Variants in PRUNE2 observed in about 807,000 individuals in gnomAD.
PRUNE2 encodes the protein prune homolog 2 with BCH domain.
A neutral mutation model predicts 252.0 loss-of-function variants in PRUNE2; 164 were observed. The ratio of observed to expected loss-of-function variants is 0.65; its 90% CI spans 0.57 to 0.74. PRUNE2 has a LOEUF of 0.74. PRUNE2 is among the 30% of genes least tolerant of loss of function. The probability of loss-of-function intolerance (pLI) is 0.00; values close to 1 mark genes in which losing one functional copy is unlikely to be tolerated. For missense variants in PRUNE2, 3,495 were observed against 3,711.0 expected, an observed-to-expected ratio of 0.94 and a Z score of 1.51; for synonymous variants, 1,292 against 1,350.2, an observed-to-expected ratio of 0.96 and a Z score of 0.94.
At chr9:76,627,976 A>C (rs1835686903) in intron 16 of PRUNE2, 1 of 199,918 alleles carries the variant, frequency 5.0e-6, no homozygotes, top group African/African-American at 2.4e-5. Context: ...TAATTAATTA[A>C]TTTTTTAAAG....
In PRUNE2 at chr9:76,644,921, A is replaced by G. The variant is rs1229416897; in HGVS notation, c.8558-12T>C. 6.2e-7 allele frequency: 1 copy of G among 1,612,076 alleles called. No individual in the cohort carries two copies. The highest frequency in any genetic ancestry group is 1.3e-5 in the African/African-American group (1 of 75,024). On this transcript the variant is annotated splice_polypyrimidine_tract_variant and intron_variant, in intron 11 of 18. Transcript: ENST00000376718. ...GTTGGCTGTGGGATCTTCTGGAAAC[A>G]AAGCACAGAGCAAGGCTGAAGGAGC...
At chr9:76,757,444 T>C (rs557865249) in intron 6 of PRUNE2, among the ~76,000 whole-genome samples, 1 of 152,328 alleles carries the variant, frequency 6.6e-6, no homozygotes, top group East Asian at 1.9e-4. Context: ...TTTACTCGTA[T>C]GTAAATGAGT....
intron 6 of PRUNE2, among the ~76,000 whole-genome samples, chr9:76,820,738 C>T (rs902527031): frequency 6.6e-6 from 1 of 152,086 alleles, no homozygotes. Flanking sequence ...AATATGTGGG[C>T]CATTTTTCAT....
intron 1 of PRUNE2, among the ~76,000 whole-genome samples, chr9:76,872,129 G>A (rs2061239539): frequency 1.3e-5 from 2 of 151,900 alleles, no homozygotes; most frequent in South Asian, 2.1e-4. Context: ...GGAACCCTGT[G>A]CCCTCATGGC....
chr9:76,860,440 C>A (rs1243503479), intron 1 of PRUNE2, among the ~76,000 whole-genome samples: 2 of 152,122 alleles, frequency 1.3e-5, no homozygotes, highest in Non-Finnish European at 1.5e-5. Context: ...TGACTTACTG[C>A]CTTAAAACAA....
Position 76,708,373 on chromosome 9 carries a change from C to T in PRUNE2, c.3901G>A (p.Ala1301Thr), listed in dbSNP as rs201409064. The T allele has an allele frequency of 2.4e-5, 39 of 1,613,836 alleles. No homozygotes were observed. In the Admixed American group the frequency reaches 6.2e-4, roughly 26 times the overall value. The change falls in exon 8 of 19, where the codon GCG becomes ACG. Residue 1301 changes from alanine to threonine, a missense_variant. Ala to Thr is a moderately conservative substitution (Grantham distance 58). Transcript: ENST00000376718. Reference protein sequence around the residue: ...ETLQSDAASLATRLENPGYFP... With the variant: ...ETLQSDAASLTTRLENPGYFP... ...TACCCTGGATTCTCAAGCCTAGTCG[C>T]CAAGGATGCTGCATCACTTTGCAGG...
chr9:76,818,439 T>A (rs534582987), intron 6 of PRUNE2, among the ~76,000 whole-genome samples: 1 of 152,248 alleles, frequency 6.6e-6, no homozygotes, highest in African/African-American at 2.4e-5. Context: ...AACATTAGTA[T>A]TTTCCCCTGG....
intron 6 of PRUNE2, among the ~76,000 whole-genome samples, chr9:76,732,726 T>C (rs572202525): frequency 6.6e-6 from 1 of 152,324 alleles, no homozygotes; most frequent in African/African-American, 2.4e-5. Context: ...TTCTAGCACG[T>C]CTCTTGCTGA....
At position 76,846,161 on chromosome 9, in the gene PRUNE2, C is replaced by T. The variant is rs141686089; in HGVS notation, c.508+354G>A. On this transcript the variant is annotated intron_variant, in intron 4 of 18. Transcript: ENST00000376718. ...ATCAGCAGATATTTCAACCTGGGAA[C>T]TTGGCATTCTCGTCCCTATCATGCT... Among the ~76,000 whole-genome samples, 254 of 152,284 alleles carry T rather than the reference C, an allele frequency of 1.7e-3. 1 individual carries two copies. Among genetic ancestry groups the T allele is most frequent in the African/African-American group, 5.2e-3 (217 of 41,556 alleles).
At chr9:76,795,897 T>C (rs2056051721) in intron 6 of PRUNE2, among the ~76,000 whole-genome samples, 2 of 152,200 alleles carry the variant, frequency 1.3e-5, no homozygotes, top group South Asian at 2.1e-4. Flanking sequence ...CTTTTCATAT[T>C]GAGAAAATTT....
chr9:76,690,359 C>T (rs1043871566), intron 9 of PRUNE2, among the ~76,000 whole-genome samples: 2 of 152,192 alleles, frequency 1.3e-5, no homozygotes, highest in Non-Finnish European at 2.9e-5. Context: ...AGAGGGCAAG[C>T]AATTCCAGGC....
At position 76,868,841 on chromosome 9, in the gene PRUNE2, G is replaced by GA. The variant is rs1188477612; in HGVS notation, c.37-14634_37-14633insT. 4 of 100,174 alleles carry GA rather than the reference G, an allele frequency of 4.0e-5. No individual in the cohort carries two copies. In the East Asian group the frequency reaches 1.5e-3, roughly 39 times the overall value. The allele number at this position is 100,174 out of a possible 1,614,324, so 6.2% of individuals were successfully genotyped here. The stretch of plus-strand genomic sequence containing the variant: ...CTTTAACAGATCCTTGGGGGGTGGG[G>GA]GGGGGGGCGGGGGGGAAGGAAAGGC... On this transcript the variant is annotated intron_variant, in intron 1 of 18. Coordinates refer to ENST00000376718, the MANE Select transcript of PRUNE2 (RefSeq NM_015225.3).
intron 6 of PRUNE2, among the ~76,000 whole-genome samples, chr9:76,815,781 T>C (rs1311376930): frequency 6.6e-6 from 1 of 152,154 alleles, no homozygotes; most frequent in Non-Finnish European, 1.5e-5. Context: ...TTTAAGTCCA[T>C]TTGAAACTGA....
intron 9 of PRUNE2, among the ~76,000 whole-genome samples, chr9:76,684,319 G>T (rs940149309): frequency 1.3e-5 from 2 of 152,064 alleles, no homozygotes; most frequent in South Asian, 4.1e-4. Context: ...TGAAAAAGCT[G>T]CTTGAGTTTG....
At chr9:76,855,082 A>AATATATATATATATATATAT (rs1162386020) in intron 1 of PRUNE2, among the ~76,000 whole-genome samples, 1 of 109,404 alleles carries the variant, frequency 9.1e-6, no homozygotes, top group African/African-American at 3.9e-5. Flanking sequence ...AAAAAAAAAA[A>AATATATATATATATATATAT]ATATATATAT....
In PRUNE2 at chr9:76,713,611, C is replaced by T. The variant is rs779275889; in HGVS notation, c.867G>A (p.Pro289=). 2.0e-5 allele frequency: 32 copies of T among 1,606,598 alleles called. No individual in the cohort carries two copies. Among genetic ancestry groups the T allele is most frequent in the Admixed American group, 1.4e-4 (8 of 58,874 alleles). ...CTGAGTACACAGCAATCTGTCGTCT[C>T]GGCTGCTGCTCCTCTGACAGATAGC... The part of the protein sequence containing the change: ...FSSYLSEEQQ[P]RRQIAVYSEN... Residue 289 remains proline, a synonymous_variant, in exon 7 of 19, where the codon CCG becomes CCA. Transcript: ENST00000376718.
At chr9:76,807,567 A>G (rs1434109636) in intron 6 of PRUNE2, among the ~76,000 whole-genome samples, 1 of 152,222 alleles carries the variant, frequency 6.6e-6, no homozygotes, top group Admixed American at 6.5e-5. Context: ...GAAGATTCAA[A>G]CAGCAGAGTG....
chr9:76,902,540 A>T (rs1295524866), intron 1 of PRUNE2, among the ~76,000 whole-genome samples: 1 of 152,182 alleles, frequency 6.6e-6, no homozygotes, highest in African/African-American at 2.4e-5. Context: ...CTCTTTGATT[A>T]CGATCTCAAG....
At chr9:76,753,990 C>T (rs1475159906) in intron 6 of PRUNE2, among the ~76,000 whole-genome samples, 3 of 151,272 alleles carry the variant, frequency 2.0e-5, no homozygotes, top group African/African-American at 7.3e-5. Flanking sequence ...GATCTAGTGA[C>T]TAGACATGGT....
Sources: allele counts gnomAD v4.1 joint callset (sites outside exome capture counted in the v4.1 genomes callset), GRCh38; gene constraint gnomAD v4.1.1; transcripts MANE v1.5; gene names NCBI Gene and HGNC (gene_info 2026-07-23, HGNC 2026-07-21).